Variants in XNDC1N observed in about 807,000 individuals in gnomAD.
The protein encoded by XNDC1N is XRCC1 N-terminal domain containing 1, N-terminal like.
the XNDC1N span, chr11:71,878,350 C>T: frequency 7.7e-7 from 1 of 1,291,640 alleles, no homozygotes; most frequent in Non-Finnish European, 1.1e-6. Flanking sequence ...CTGAAAGGTT[C>T]AATAATCACT....
the XNDC1N span, among the ~76,000 whole-genome samples, chr11:71,902,433 C>T: frequency 6.6e-6 from 1 of 152,182 alleles, no homozygotes; most frequent in Non-Finnish European, 1.5e-5. Context: ...CCCAGTGATC[C>T]GCCCTCCTCG....
the XNDC1N span, chr11:71,904,204 A>G: frequency 2.5e-6 from 1 of 405,262 alleles, no homozygotes; most frequent in Non-Finnish European, 5.0e-6. Flanking sequence ...ATGATATCAC[A>G]GGGTGAACAC....
At chr11:71,907,813 A>G in the XNDC1N span, among the ~76,000 whole-genome samples, 1 of 152,156 alleles carries the variant, frequency 6.6e-6, no homozygotes. Context: ...ACTTTCTGCC[A>G]TATATGTAGT....
chr11:71,922,253 G>A, the XNDC1N span, among the ~76,000 whole-genome samples: 1 of 152,154 alleles, frequency 6.6e-6, no homozygotes, highest in Non-Finnish European at 1.5e-5. Context: ...CTTAGAATAG[G>A]GGTTAATATA....
chr11:71,877,531 G>A, the XNDC1N span, among the ~76,000 whole-genome samples: 8 of 152,316 alleles, frequency 5.3e-5, no homozygotes, highest in African/African-American at 1.9e-4. Flanking sequence ...CCAGCTACTT[G>A]GGAGACTGAG....
chr11:71,886,827 C>A, the XNDC1N span, among the ~76,000 whole-genome samples: 1 of 152,082 alleles, frequency 6.6e-6, no homozygotes, highest in Non-Finnish European at 1.5e-5. Context: ...TCAGGCCCGG[C>A]GATATGCCGA....
At chr11:71,865,546 C>T in the XNDC1N span, 3 of 156,870 alleles carry the variant, frequency 1.9e-5, no homozygotes, top group Non-Finnish European at 4.2e-5. Context: ...TTAAGTGAGA[C>T]AAAGTTTATT....
the XNDC1N span, chr11:71,917,298 G>C: frequency 3.0e-6 from 2 of 675,356 alleles, no homozygotes; most frequent in Non-Finnish European, 5.4e-6. Context: ...ACAGGCATGA[G>C]CCACCACGCC....
At chr11:71,926,796 G>A in the XNDC1N span, among the ~76,000 whole-genome samples, 2,032 of 151,400 alleles carry the variant, frequency 0.013, 33 homozygotes, top group Non-Finnish European at 0.021. Flanking sequence ...AGCTACTGAG[G>A]AGGCTGAGGC....
chr11:71,880,699 G>A, the XNDC1N span, among the ~76,000 whole-genome samples: 1 of 152,104 alleles, frequency 6.6e-6, no homozygotes, highest in East Asian at 1.9e-4. Context: ...ATAGGCTTTG[G>A]TATGTTGTGT....
At chr11:71,927,234 C>T in the XNDC1N span, among the ~76,000 whole-genome samples, 4 of 151,558 alleles carry the variant, frequency 2.6e-5, no homozygotes, top group Non-Finnish European at 5.9e-5. Flanking sequence ...GCGACAGAGC[C>T]GGACCCTGTA....
At chr11:71,885,483 C>T in the XNDC1N span, among the ~76,000 whole-genome samples, 8 of 152,156 alleles carry the variant, frequency 5.3e-5, no homozygotes, top group South Asian at 2.1e-4. Context: ...GCAAAATCAC[C>T]GGGTGGATGC....
the XNDC1N span, among the ~76,000 whole-genome samples, chr11:71,868,874 C>A: frequency 6.6e-6 from 1 of 152,030 alleles, no homozygotes; most frequent in Admixed American, 6.6e-5. Flanking sequence ...AATATGTTTC[C>A]CAAGTTGTTT....
the XNDC1N span, among the ~76,000 whole-genome samples, chr11:71,880,813 T>G: frequency 2.0e-5 from 3 of 152,240 alleles, no homozygotes; most frequent in Non-Finnish European, 2.9e-5. Flanking sequence ...ATGTTATCTG[T>G]ATAGTTTCCA....
the XNDC1N span, chr11:71,916,305 G>A: frequency 4.3e-6 from 3 of 696,336 alleles, no homozygotes; most frequent in Admixed American, 4.1e-5. Context: ...GCATAAATGG[G>A]AGAGACAGAG....
chr11:71,897,280 G>A, the XNDC1N span, among the ~76,000 whole-genome samples: 2 of 152,178 alleles, frequency 1.3e-5, no homozygotes, highest in African/African-American at 4.8e-5. Flanking sequence ...ATGGCGAACT[G>A]AGTGAAAACA....
the XNDC1N span, among the ~76,000 whole-genome samples, chr11:71,926,701 GACC>G: frequency 4.6e-5 from 7 of 152,050 alleles, no homozygotes; most frequent in African/African-American, 1.7e-4. Context: ...AGGAGTTTGA[GACC>G]AGCCTGGCCA....
chr11:71,902,959 G>T, the XNDC1N span, among the ~76,000 whole-genome samples: 1 of 152,162 alleles, frequency 6.6e-6, no homozygotes, highest in Admixed American at 6.5e-5. Context: ...CTCTAAGGCA[G>T]GTGTGTACAG....
the XNDC1N span, among the ~76,000 whole-genome samples, chr11:71,925,200 T>C: frequency 3.9e-5 from 6 of 152,036 alleles, no homozygotes; most frequent in African/African-American, 1.2e-4. Flanking sequence ...ATTACAATTA[T>C]ATGGGTATGT....
Sources: gnomAD v4.1 joint callset for allele counts (sites outside exome capture counted in the v4.1 genomes callset) on GRCh38, gnomAD v4.1.1 for gene constraint, MANE v1.5 for transcripts, NCBI Gene and HGNC (gene_info 2026-07-23, HGNC 2026-07-21) for gene names.